PIEZO2: variants seen among roughly 807,000 people sequenced by gnomAD.
PIEZO2 encodes the protein piezo type mechanosensitive ion channel component 2, also known as piezo-type mechanosensitive ion channel component 2.
Under a neutral mutation model 337.3 loss-of-function variants are expected in PIEZO2, and 172 were observed. The observed-to-expected ratio is 0.51, with a 90% confidence interval of 0.45 to 0.58. The LOEUF is 0.58. Among genes scored for constraint, PIEZO2 ranks in the 20% least tolerant of loss-of-function variants. The pLI, the probability that PIEZO2 is intolerant of heterozygous loss-of-function variation, is 0.00. For synonymous variants in PIEZO2, 1,251 were observed against 1,228.5 expected, an observed-to-expected ratio of 1.02 and a Z score of -0.38; for missense variants, 3,028 against 3,391.3, an observed-to-expected ratio of 0.89 and a Z score of 2.66.
In PIEZO2 at chr18:10,819,674, G is replaced by A. The variant is rs1244031251; in HGVS notation, c.918-12400C>T. Among the ~76,000 whole-genome samples the A allele has an allele frequency of 6.6e-6, 1 of 152,092 alleles. No homozygotes were observed. Among genetic ancestry groups the A allele is most frequent in the Non-Finnish European group, 1.5e-5 (1 of 68,010 alleles). ...TTCACCTTCATGCTTGTTCTCTCAC[G>A]GTCGCAAGAAACTGCTGCAGCTTCT... On this transcript the variant is annotated intron_variant, in intron 7 of 55. Transcript: ENST00000674853. The surrounding 1 kb of genome is among the most constrained non-coding windows in gnomAD (Gnocchi z 4.3).
At position 10,676,210 on chromosome 18, in the gene PIEZO2, C is replaced by CT. The variant is rs1202033256; in HGVS notation, c.8082-923dup. Among the ~76,000 whole-genome samples the CT allele has an allele frequency of 5.3e-5, 8 of 152,106 alleles. No homozygotes were observed. Among genetic ancestry groups the CT allele is most frequent in the African/African-American group, 1.9e-4 (8 of 41,412 alleles). On this transcript the variant is annotated intron_variant, in intron 53 of 55. Coordinates refer to ENST00000674853, the MANE Select transcript of PIEZO2 (RefSeq NM_001378183.1). The surrounding 1 kb of genome is among the most constrained non-coding windows in gnomAD (Gnocchi z 5.1). Reference sequence around the variant, plus strand: ...CATCTGGGAGGTGATAGGAGAGGATCTGACAGTCTCCAAGGGCCCTTCAAC... The same window carrying CT: ...CATCTGGGAGGTGATAGGAGAGGATCTTGACAGTCTCCAAGGGCCCTTCAAC...
At chr18:11,037,041 C>T (rs924764865) in intron 2 of PIEZO2, among the ~76,000 whole-genome samples, 2 of 152,146 alleles carry the variant, frequency 1.3e-5, no homozygotes, top group Non-Finnish European at 2.9e-5. Context: ...TCTCGGCTCA[C>T]TGCAACCTCC....
rs771804871 is a variant in PIEZO2, at chr18:10,736,554, A to G, written c.4815+50T>C. On this transcript the variant is annotated intron_variant, in intron 34 of 55. Coordinates refer to ENST00000674853, the MANE Select transcript of PIEZO2 (RefSeq NM_001378183.1). ...CTAGGCCTGCAATGAAGGTCCGTCA[A>G]TAAGAAAAGCTCTTCCAACTAGCAA... 7.8e-6 allele frequency: 12 copies of G among 1,534,846 alleles called. 1 individual carries two copies. In the Middle Eastern group the frequency reaches 8.4e-4, roughly 107 times the overall value.
chr18:11,004,529 C>T (rs150223881), intron 2 of PIEZO2, among the ~76,000 whole-genome samples: 2,131 of 152,290 alleles, frequency 0.014, 48 homozygotes, highest in African/African-American at 0.047. Context: ...CACACAGTTG[C>T]TCTCCACCCA....
rs900211685 is a variant in PIEZO2 at position 10,899,304 on chromosome 18, T to C, written c.329+11882A>G. Reference sequence around the variant, plus strand: ...TTAGGAAGGTGTGTTTGTGTGTGTGTGTGTAGAGGTATATCAGGAAAATGA... The same window carrying C: ...TTAGGAAGGTGTGTTTGTGTGTGTGCGTGTAGAGGTATATCAGGAAAATGA... On this transcript the variant is annotated intron_variant, in intron 4 of 55. Transcript: ENST00000674853. This position sits in a 1 kb window ranked among gnomAD's most constrained non-coding sequence, Gnocchi z 4.6. Among the ~76,000 whole-genome samples, 2 of 152,218 alleles carry C rather than the reference T, an allele frequency of 1.3e-5. No homozygotes were observed. Among genetic ancestry groups the C allele is most frequent in the African/African-American group, 4.8e-5 (2 of 41,454 alleles).
chr18:10,977,165 T>C (rs2034476801), intron 3 of PIEZO2, among the ~76,000 whole-genome samples: 1 of 152,062 alleles, frequency 6.6e-6, no homozygotes, highest in South Asian at 2.1e-4. Context: ...TGTAGAATTA[T>C]GGAAAATCAT....
intron 2 of PIEZO2, among the ~76,000 whole-genome samples, chr18:11,004,965 A>G (rs926711490): frequency 1.3e-5 from 2 of 152,242 alleles, no homozygotes; most frequent in Non-Finnish European, 2.9e-5. Flanking sequence ...ATGTGCCATT[A>G]AATATTGACT....
At chr18:10,733,268 G>A (rs28555212) in intron 35 of PIEZO2, among the ~76,000 whole-genome samples, 2,558 of 152,088 alleles carry the variant, frequency 0.017, 73 homozygotes, top group African/African-American at 0.059. Flanking sequence ...AGAGGAGGGA[G>A]TCATAGGGTA....
intron 1 of PIEZO2, among the ~76,000 whole-genome samples, chr18:11,141,534 G>A (rs531945911): frequency 5.7e-4 from 87 of 152,322 alleles, no homozygotes; most frequent in African/African-American, 1.9e-3. Flanking sequence ...TATGTGGACC[G>A]AGATGAAAAC....
intron 2 of PIEZO2, among the ~76,000 whole-genome samples, chr18:10,984,122 C>T (rs1187499371): frequency 6.6e-6 from 1 of 151,808 alleles, no homozygotes; most frequent in Non-Finnish European, 1.5e-5. Flanking sequence ...AATTTTAAGA[C>T]ATCTTTTTAA....
chr18:10,761,039 G>A lies in PIEZO2; in HGVS notation c.3322C>T (p.Arg1108Ter), dbSNP rs867879504. 47 of 1,536,984 alleles carry A rather than the reference G, an allele frequency of 3.1e-5. No individual in the cohort carries two copies. The highest frequency in any genetic ancestry group is 3.7e-5 in the Non-Finnish European group (42 of 1,146,796). ...GACACAGGGGCCGTCAGGTTATTTC[G>A]ACCTCGATAGTATTCCTGATGGCGG... ...IYRHQEYYRGRNNLTAPVSRT... is the reference protein window; with the variant it reads ...IYRHQEYYRG Residue 1108 changes from arginine to a stop codon, truncating the protein, a stop_gained, in exon 24 of 56, where the codon CGA (arginine) becomes TGA (stop). Coordinates refer to ENST00000674853, the MANE Select transcript of PIEZO2 (RefSeq NM_001378183.1). LOFTEE classifies it high-confidence loss of function.
Position 10,719,362 on chromosome 18 carries a change from C to T in PIEZO2, c.5030-1103G>A, listed in dbSNP as rs188919136. On this transcript the variant is annotated intron_variant, in intron 36 of 55. Coordinates refer to ENST00000674853, the MANE Select transcript of PIEZO2 (RefSeq NM_001378183.1). ...TCAATCCCCCTGTCCCCAACTCTCCCGCATTTGATAATCTCCAGTGTCTAT... is the reference window on the plus strand; with the variant it reads ...TCAATCCCCCTGTCCCCAACTCTCCTGCATTTGATAATCTCCAGTGTCTAT... Among the ~76,000 whole-genome samples, 329 of 152,234 alleles carry T rather than the reference C, an allele frequency of 2.2e-3. 1 individual carries two copies. The highest frequency in any genetic ancestry group is 7.8e-3 in the African/African-American group (322 of 41,534).
In PIEZO2 at chr18:11,094,849, A is replaced by T. The variant is rs1449781791; in HGVS notation, c.65-28627T>A. Reference sequence around the variant, plus strand: ...TTAGTCTGCAGATTTAGAAGCACTTAGTAAAATGTCCAGTGAGACACCACA... The same window carrying T: ...TTAGTCTGCAGATTTAGAAGCACTTTGTAAAATGTCCAGTGAGACACCACA... On this transcript the variant is annotated intron_variant, in intron 1 of 55. Transcript: ENST00000674853. This position sits in a 1 kb window ranked among gnomAD's most constrained non-coding sequence, Gnocchi z 4.4. 6.6e-6 allele frequency among the ~76,000 whole-genome samples: 1 copy of T among 152,252 alleles called. No homozygotes were observed. Among genetic ancestry groups the T allele is most frequent in the Non-Finnish European group, 1.5e-5 (1 of 68,046 alleles).
At position 11,001,818 on chromosome 18, in the gene PIEZO2, C is replaced by T. The variant is rs2035544499; in HGVS notation, c.161-22158G>A. Among the ~76,000 whole-genome samples, 1 of 151,542 alleles carries T rather than the reference C, an allele frequency of 6.6e-6. No homozygotes were observed. Among genetic ancestry groups the T allele is most frequent in the Admixed American group, 6.6e-5 (1 of 15,198 alleles). On this transcript the variant is annotated intron_variant, in intron 2 of 55. Coordinates refer to ENST00000674853, the MANE Select transcript of PIEZO2 (RefSeq NM_001378183.1). This position sits in a 1 kb window ranked among gnomAD's most constrained non-coding sequence, Gnocchi z 5.3. ...GCTTGAACCCAGGAGGCAGAGGTTG[C>T]AGTGAGCTCAGATTGCACCACTGTA...
At chr18:10,882,686 T>C (rs1350519985) in intron 4 of PIEZO2, among the ~76,000 whole-genome samples, 1 of 152,068 alleles carries the variant, frequency 6.6e-6, no homozygotes, top group Non-Finnish European at 1.5e-5. Context: ...TTATTTTAGC[T>C]CCCACATATG....
In PIEZO2 at chr18:11,083,790, C is replaced by T. The variant is rs1320206400; in HGVS notation, c.65-17568G>A. Among the ~76,000 whole-genome samples the T allele has an allele frequency of 1.3e-5, 2 of 152,190 alleles. No homozygotes were observed. The highest frequency in any genetic ancestry group is 2.9e-5 in the Non-Finnish European group (2 of 68,040). On this transcript the variant is annotated intron_variant, in intron 1 of 55. Transcript: ENST00000674853. This position sits in a 1 kb window ranked among gnomAD's most constrained non-coding sequence, Gnocchi z 4.4. ...AACTAAGGTTCAAGGAACAGGAAAG[C>T]TTCCATGTGACAGCCAGCTGTATAC...
intron 2 of PIEZO2, among the ~76,000 whole-genome samples, chr18:11,059,190 A>G (rs1318987574): frequency 6.6e-6 from 1 of 151,900 alleles, no homozygotes; most frequent in Non-Finnish European, 1.5e-5. Context: ...AAAATACTTT[A>G]CAGACAAGCA....
chr18:10,956,596 C>T (rs771385203), intron 3 of PIEZO2, among the ~76,000 whole-genome samples: 11 of 152,188 alleles, frequency 7.2e-5, no homozygotes, highest in Non-Finnish European at 1.0e-4. Flanking sequence ...CAAGGCAAAA[C>T]AAGCCTGGAG....
At chr18:11,066,330 G>C (rs2038149190) in intron 1 of PIEZO2, 108 bp from the exon 2 acceptor site, 4 of 742,706 alleles carry the variant, frequency 5.4e-6, no homozygotes, top group Non-Finnish European at 8.9e-6. Context: ...GGATCAAACA[G>C]TGTCACTTCC....
Sources: gnomAD v4.1 joint callset for allele counts (sites outside exome capture counted in the v4.1 genomes callset) on GRCh38, gnomAD v4.1.1 for gene constraint, Gnocchi (gnomAD v3.1) non-coding constraint, MANE v1.5 for transcripts, NCBI Gene and HGNC (gene_info 2026-07-23, HGNC 2026-07-21) for gene names.